The following DNAH17 variants were observed in gnomAD, a reference collection of about 807,000 sequenced individuals.
DNAH17 encodes the protein dynein axonemal heavy chain 17.
A neutral mutation model predicts 485.6 loss-of-function variants in DNAH17; 376 were observed. That is an observed-to-expected ratio of 0.77 (90% CI 0.71 to 0.84). The LOEUF (loss-of-function observed/expected upper bound fraction) is 0.84, where lower values mean the gene tolerates loss of function less well. DNAH17 is among the 40% of genes least tolerant of loss of function. The probability of loss-of-function intolerance (pLI) is 0.00; values close to 1 mark genes in which losing one functional copy is unlikely to be tolerated. For missense variants in DNAH17, 6,370 were observed against 5,839.3 expected (o/e 1.09, Z -2.96); for synonymous variants, 3,031 against 2,405.9 (o/e 1.26, Z -7.60).
intron 14 of DNAH17, among the ~76,000 whole-genome samples, chr17:78,554,767 G>A (rs1445811366): frequency 6.6e-6 from 1 of 152,048 alleles, no homozygotes; most frequent in African/African-American, 2.4e-5. Context: ...TATTTTTTGA[G>A]ACGGAGTCTC....
chr17:78,467,036 TC>T (rs2088503934), intron 55 of DNAH17, among the ~76,000 whole-genome samples: 1 of 152,082 alleles, frequency 6.6e-6, no homozygotes. Context: ...GCAGTCCCAA[TC>T]CCTCTGGAAG....
chr17:78,482,772 G>T (rs1451404558), intron 48 of DNAH17, among the ~76,000 whole-genome samples: 3 of 152,126 alleles, frequency 2.0e-5, no homozygotes, highest in Non-Finnish European at 4.4e-5. Context: ...TTGTCGTGGG[G>T]CCATGTTAAT....
chr17:78,431,454 CA>C (rs2086669863), intron 75 of DNAH17, among the ~76,000 whole-genome samples: 1 of 151,336 alleles, frequency 6.6e-6, no homozygotes, highest in African/African-American at 2.4e-5. Context: ...GGGAACCCCC[CA>C]CCCCGAGACT....
intron 31 of DNAH17, among the ~76,000 whole-genome samples, chr17:78,504,471 A>ACCACCCCAC (rs36208944): frequency 2.0e-5 from 3 of 150,270 alleles, no homozygotes; most frequent in African/African-American, 4.9e-5. Context: ...AGATGCTGTC[A>ACCACCCCAC]CCACCCCACC....
In DNAH17 at chr17:78,529,468, G is replaced by T. The variant is rs368282670; in HGVS notation, c.3507+4C>A. ...GGACGCAGCCACACCCACCCACCAC[G>T]TACCTGCAGCTTCAAGTGGATCTCC... On this transcript the variant is annotated splice_donor_region_variant and intron_variant, in intron 22 of 80. Coordinates refer to ENST00000389840, the MANE Select transcript of DNAH17 (RefSeq NM_173628.4). 6.2e-7 allele frequency: 1 copy of T among 1,613,658 alleles called. No homozygotes were observed. The highest frequency in any genetic ancestry group is 8.5e-7 in the Non-Finnish European group (1 of 1,179,640).
chr17:78,561,077 ACAAG>A, intron 12 of DNAH17, 142 bp from the exon 13 acceptor site: 2 of 769,992 alleles, frequency 2.6e-6, no homozygotes, highest in South Asian at 3.5e-5. Flanking sequence ...GAATATGCAA[ACAAG>A]CAGTGGCCAG....
At chr17:78,557,731 T>TTTC (rs2092058483) in intron 14 of DNAH17, among the ~76,000 whole-genome samples, 1 of 150,310 alleles carries the variant, frequency 6.7e-6, no homozygotes, top group African/African-American at 2.5e-5. Context: ...ATCACTATCT[T>TTTC]TGCTGCTATT....
At position 78,502,596 on chromosome 17, in the gene DNAH17, T is replaced by G. The variant is rs749019201; in HGVS notation, c.5185A>C (p.Lys1729Gln). Residue 1729 changes from lysine to glutamine, a missense_variant, in exon 33 of 81, where the codon AAG becomes CAG. Transcript: ENST00000389840. ...ACTACACACTAGTAACACACCTGCT[T>G]TTTGTTATAATCTCTGATAGCGTTT... ...YENAIRDYNKKQISQLNVLIT... is the reference protein window; with the variant it reads ...YENAIRDYNKQQISQLNVLIT... 12 of 1,612,360 alleles carry G rather than the reference T, an allele frequency of 7.4e-6. No homozygotes were observed. In the Admixed American group the frequency reaches 1.0e-4, roughly 14 times the overall value.
intron 27 of DNAH17, 84 bp downstream of exon 27, chr17:78,510,300 C>A: frequency 6.4e-7 from 1 of 1,567,840 alleles, no homozygotes; most frequent in Non-Finnish European, 8.7e-7. Context: ...GGCTGCAGGA[C>A]CCCTCTGGGC....
chr17:78,562,072 A>T, intron 11 of DNAH17, 92 bp from the exon 12 acceptor site: 1 of 1,435,876 alleles, frequency 7.0e-7, no homozygotes, highest in African/African-American at 1.4e-5. Flanking sequence ...GCCAATCTTC[A>T]GGAGTGAGAG....
chr17:78,468,107 G>T (rs1440266217), intron 55 of DNAH17, among the ~76,000 whole-genome samples: 1 of 150,770 alleles, frequency 6.6e-6, no homozygotes, highest in African/African-American at 2.4e-5. Context: ...TCCACATAGA[G>T]TCGGTTGTCT....
intron 11 of DNAH17, among the ~76,000 whole-genome samples, chr17:78,563,245 T>C (rs1010234446): frequency 6.6e-6 from 1 of 152,178 alleles, no homozygotes; most frequent in Admixed American, 6.5e-5. Context: ...CTTGGACCTA[T>C]TTGTATTGTG....
intron 10 of DNAH17, 71 bp from the exon 11 acceptor site, chr17:78,566,801 C>T: frequency 1.5e-6 from 2 of 1,362,846 alleles, no homozygotes; most frequent in African/African-American, 1.4e-5. Flanking sequence ...TCTCCAGCCC[C>T]TGCCCTGCTG....
Position 78,428,527 on chromosome 17 carries a change from TCTC to T in DNAH17, c.12583_12585del (p.Glu4195del), listed in dbSNP as rs762690623. ...GGGAGCAGTTTCAAAGATCCTGCCT[TCTC>T]CTCGCGGGACACTCCCGTGCCTGCC... On this transcript the variant is annotated inframe_deletion, in exon 77 of 81. Coordinates refer to ENST00000389840, the MANE Select transcript of DNAH17 (RefSeq NM_173628.4). The T allele has an allele frequency of 2.4e-5, 39 of 1,600,542 alleles. No individual in the cohort carries two copies. The highest frequency in any genetic ancestry group is 2.0e-4 in the South Asian group (18 of 88,854).
chr17:78,475,236 A>G (rs1203919341), intron 54 of DNAH17, 42 bp downstream of exon 54: 1 of 1,603,978 alleles, frequency 6.2e-7, no homozygotes, highest in Non-Finnish European at 8.5e-7. Context: ...TTACTCCCTG[A>G]CCCTACCCTG....
At chr17:78,485,507 G>T (rs755419964) in intron 47 of DNAH17, 43 bp downstream of exon 47, 2 of 1,526,464 alleles carry the variant, frequency 1.3e-6, no homozygotes, top group Admixed American at 2.0e-5. Context: ...GGGGACTGGC[G>T]GGGGGCAGCC....
Position 78,574,837 on chromosome 17 carries a change from G to A in DNAH17, c.221C>T (p.Ser74Phe). ...PCLGFPQSLKSKGVYFIKTKS... is the reference protein window; with the variant it reads ...PCLGFPQSLKFKGVYFIKTKS... ...TGTCTTGATGAAGTAAACCCCTTTG[G>A]ACTTGAGGGACTGGGGGAAGCCCAG... Residue 74 changes from serine to phenylalanine, a missense_variant, in exon 2 of 81, where the codon TCC (serine) becomes TTC (phenylalanine). Coordinates refer to ENST00000389840, the MANE Select transcript of DNAH17 (RefSeq NM_173628.4). 1 of 1,614,002 alleles carries A rather than the reference G, an allele frequency of 6.2e-7. No individual in the cohort carries two copies. The highest frequency in any genetic ancestry group is 2.2e-5 in the East Asian group (1 of 44,884).
In DNAH17 at chr17:78,570,958, T is replaced by C. The variant is rs1437902011; in HGVS notation, c.908A>G (p.Asp303Gly). The change falls in exon 6 of 81, where the codon GAC becomes GGC. Residue 303 changes from aspartate (D) to glycine (G), a missense_variant. By Grantham distance (94) the Asp-to-Gly change is moderately conservative. Transcript: ENST00000389840. ...CCCTTGCCTGCGCACCATCGTGAAG[T>C]CGGCTTGTTCCATCTCCTCCAGCAG... ...RILLEEMEQA[D>G]FTMLPTFIAK... The C allele has an allele frequency of 2.5e-6, 4 of 1,586,134 alleles. No homozygotes were observed. The highest frequency in any genetic ancestry group is 1.7e-6 in the Non-Finnish European group (2 of 1,166,644).
rs748291006 is a variant in DNAH17, at chr17:78,479,135, G to A, written c.7901-19C>T. On this transcript the variant is annotated intron_variant, in intron 50 of 80. Transcript: ENST00000389840. ...TGCAAAGCTGTTAGAGGAAAAGGAC[G>A]TGTCAATTCTCATGTACTCTTGATG... is the stretch of plus-strand genomic sequence containing the variant. 23 of 1,611,468 alleles carry A rather than the reference G, an allele frequency of 1.4e-5. No individual in the cohort carries two copies. Among genetic ancestry groups the A allele is most frequent in the East Asian group, 2.2e-5 (1 of 44,868 alleles).
Sources: allele counts gnomAD v4.1 joint callset (sites outside exome capture counted in the v4.1 genomes callset), GRCh38; gene constraint gnomAD v4.1.1; transcripts MANE v1.5; gene names NCBI Gene and HGNC (gene_info 2026-07-23, HGNC 2026-07-21).